FOXP1: variants seen among roughly 807,000 people sequenced by gnomAD.
FOXP1 encodes the protein forkhead box protein P1.
A neutral mutation model predicts 98.2 loss-of-function variants in FOXP1; 15 were observed. The observed-to-expected ratio is 0.15, with a 90% CI of 0.10 to 0.24. The LOEUF (loss-of-function observed/expected upper bound fraction) is 0.24. Among genes scored for constraint, FOXP1 ranks in the 10% least tolerant of loss-of-function variants. The probability of loss-of-function intolerance (pLI) is 1.00; values close to 1 mark genes in which losing one functional copy is unlikely to be tolerated. For missense variants in FOXP1, 633 were observed against 848.5 expected, an observed-to-expected ratio of 0.75 and a Z score of 3.15; for synonymous variants, 371 against 314.5, an observed-to-expected ratio of 1.18 and a Z score of -1.90.
intron 4 of FOXP1, among the ~76,000 whole-genome samples, chr3:71,356,213 C>CA (rs3064928): frequency 0.015 from 1,150 of 74,852 alleles, 12 homozygotes; most frequent in African/African-American, 0.032. Flanking sequence ...CTGACTAAGT[C>CA]AAAAAAAAAA....
At chr3:71,223,458 G>A (rs547037889) in intron 5 of FOXP1, among the ~76,000 whole-genome samples, 1 of 152,100 alleles carries the variant, frequency 6.6e-6, no homozygotes, top group Non-Finnish European at 1.5e-5. Flanking sequence ...CACTTTGGGA[G>A]GCTAAGGTGG....
At chr3:71,582,264 C>CGA in intron 1 of FOXP1, 1 of 984,846 alleles carries the variant, frequency 1.0e-6, no homozygotes, top group Non-Finnish European at 1.2e-6. Flanking sequence ...TCTAAGTTTC[C>CGA]GAGCGCGACG....
At chr3:71,381,506 G>A (rs889152083) in intron 3 of FOXP1, among the ~76,000 whole-genome samples, 1 of 139,564 alleles carries the variant, frequency 7.2e-6, no homozygotes, top group Non-Finnish European at 1.5e-5. Flanking sequence ...GCAGTGGCAC[G>A]ATCACAGCTC....
intron 3 of FOXP1, among the ~76,000 whole-genome samples, chr3:71,443,573 C>T (rs1346431431): frequency 6.6e-6 from 1 of 152,204 alleles, no homozygotes; most frequent in South Asian, 2.1e-4. Context: ...ATCAGAATCG[C>T]CTATAGGGCT....
intron 7 of FOXP1, among the ~76,000 whole-genome samples, chr3:71,067,117 CAAAA>C (rs141174543): frequency 0.058 from 8,824 of 152,064 alleles, 421 homozygotes; most frequent in African/African-American, 0.11. Context: ...GGGGAGGTGA[CAAAA>C]GAGAGAGGGA....
chr3:71,003,675 G>C (rs1299406078), intron 12 of FOXP1, among the ~76,000 whole-genome samples: 1 of 152,098 alleles, frequency 6.6e-6, no homozygotes, highest in Non-Finnish European at 1.5e-5. Context: ...TAAAATGGTC[G>C]AGATAAGGTT....
At chr3:71,101,338 G>A (rs1254310222) in intron 7 of FOXP1, among the ~76,000 whole-genome samples, 1 of 152,154 alleles carries the variant, frequency 6.6e-6, no homozygotes, top group Non-Finnish European at 1.5e-5. Context: ...ACCCATGTGT[G>A]TGAAGGTTCT....
chr3:71,320,999 T>C (rs367694816), intron 4 of FOXP1, among the ~76,000 whole-genome samples: 11 of 151,542 alleles, frequency 7.3e-5, no homozygotes, highest in Middle Eastern at 3.4e-3. Context: ...GCAAAGGAAA[T>C]AGAATGAGCA....
chr3:71,371,725 G>T (rs890408670), intron 3 of FOXP1, among the ~76,000 whole-genome samples: 8 of 152,296 alleles, frequency 5.3e-5, no homozygotes, highest in Non-Finnish European at 1.0e-4. Context: ...GGAATTTGAG[G>T]CTGCGGGGAG....
At chr3:71,003,242 C>G (rs1391374972) in intron 12 of FOXP1, among the ~76,000 whole-genome samples, 2 of 152,194 alleles carry the variant, frequency 1.3e-5, no homozygotes, top group Admixed American at 1.3e-4. Context: ...AGTGGATCTA[C>G]AAGGGGTTGA....
intron 11 of FOXP1, among the ~76,000 whole-genome samples, chr3:71,018,834 A>G (rs2044939743): frequency 1.3e-5 from 2 of 152,174 alleles, no homozygotes; most frequent in South Asian, 2.1e-4. Flanking sequence ...AATTTTGCAC[A>G]TTGTAGGAAC....
At chr3:71,145,855 T>C (rs537359950) in intron 6 of FOXP1, among the ~76,000 whole-genome samples, 4 of 152,374 alleles carry the variant, frequency 2.6e-5, no homozygotes, top group South Asian at 2.1e-4. Context: ...TTTTGTATTA[T>C]AGAGTTTGGA....
At chr3:71,081,460 C>G (rs1360499430) in intron 7 of FOXP1, among the ~76,000 whole-genome samples, 2 of 152,148 alleles carry the variant, frequency 1.3e-5, no homozygotes, top group Admixed American at 1.3e-4. Context: ...AGCCAAAGGT[C>G]ATACCTCTAA....
intron 3 of FOXP1, among the ~76,000 whole-genome samples, chr3:71,371,601 C>T (rs950368811): frequency 3.9e-5 from 6 of 152,154 alleles, no homozygotes; most frequent in Non-Finnish European, 7.3e-5. Flanking sequence ...GCCTGGGCAA[C>T]ACGGCAAGAT....
chr3:71,119,109 T>C (rs999084659), intron 6 of FOXP1, among the ~76,000 whole-genome samples: 1 of 152,240 alleles, frequency 6.6e-6, no homozygotes, highest in African/African-American at 2.4e-5. Flanking sequence ...CATTATTAAT[T>C]AGCTGTTCTT....
intron 7 of FOXP1, among the ~76,000 whole-genome samples, chr3:71,088,714 C>G (rs1207102940): frequency 6.6e-6 from 1 of 152,174 alleles, no homozygotes; most frequent in African/African-American, 2.4e-5. Context: ...TATTAAACTA[C>G]TTATTTTGCC....
intron 4 of FOXP1, among the ~76,000 whole-genome samples, chr3:71,354,122 A>G (rs546744794): frequency 6.7e-6 from 1 of 149,250 alleles, no homozygotes; most frequent in East Asian, 2.0e-4. Context: ...CTAGCCAGCA[A>G]GGTGAAACCC....
chr3:71,176,459 T>G (rs1261063689), intron 6 of FOXP1, among the ~76,000 whole-genome samples: 2 of 152,142 alleles, frequency 1.3e-5, no homozygotes, highest in Non-Finnish European at 1.5e-5. Flanking sequence ...TCAGAAAAGT[T>G]TTCTGTGCTG....
chr3:71,159,427 T>G (rs1337914136), intron 6 of FOXP1, among the ~76,000 whole-genome samples: 1 of 152,140 alleles, frequency 6.6e-6, no homozygotes, highest in Non-Finnish European at 1.5e-5. Flanking sequence ...TTATTTTCTA[T>G]AACAAGAGAG....
Sources: gnomAD v4.1 joint callset for allele counts (sites outside exome capture counted in the v4.1 genomes callset) on GRCh38, gnomAD v4.1.1 for gene constraint, MANE v1.5 for transcripts, NCBI Gene and HGNC (gene_info 2026-07-23, HGNC 2026-07-21) for gene names.